Variants in SH3BP2 observed in about 807,000 individuals in gnomAD.
SH3BP2 encodes the protein SH3 domain binding protein 2, also known as SH3 domain-binding protein 2.
Under a neutral mutation model 56.2 loss-of-function variants are expected in SH3BP2, and 38 were observed. That is an observed-to-expected ratio of 0.68 (90% CI 0.52 to 0.89). SH3BP2 has a LOEUF of 0.89. Among genes scored for constraint, SH3BP2 ranks in the 40% least tolerant of loss-of-function variants. The pLI, the probability that SH3BP2 is intolerant of heterozygous loss-of-function variation, is 0.00. For synonymous variants in SH3BP2, 346 were observed against 316.7 expected (o/e 1.09, Z -0.98); for missense variants, 748 against 762.6 (o/e 0.98, Z 0.23).
chr4:2,824,517 G>C (rs992446047), intron 3 of SH3BP2, 96 bp from the exon 4 acceptor site: 1 of 900,670 alleles, frequency 1.1e-6, no homozygotes, highest in Admixed American at 1.7e-5. Flanking sequence ...GTTGGGGCGT[G>C]GTGCTGGTGC....
rs757336022 is a variant in SH3BP2 at position 2,831,581 on chromosome 4, C to A, written c.1252C>A (p.Pro418Thr). 1 of 1,587,478 alleles carries A rather than the reference C, an allele frequency of 6.3e-7. No homozygotes were observed. ...PQLPHLQRSP[P>T]DGQSFRSFSF... ...TCCCTGCCCCTCCAGGCGATCACCC[C>A]CCGATGGGCAGAGTTTCAGGAGCTT... Residue 418 changes from proline (P) to threonine (T), a missense_variant, in exon 9 of 13, where the codon CCC becomes ACC. Physicochemically the swap from Pro to Thr is conservative, Grantham distance 38. Around this residue, in one of 3 missense-constraint regions of SH3BP2, gnomAD observed 635 missense variants for 615.0 expected, o/e 1.03. Coordinates refer to ENST00000503393, the MANE Select transcript of SH3BP2 (RefSeq NM_001122681.2). This position sits in a 1 kb window ranked among gnomAD's most constrained non-coding sequence, Gnocchi z 4.1.
chr4:2,833,088 TGGC>T, intron 12 of SH3BP2, 39 bp downstream of exon 12: 1 of 1,593,698 alleles, frequency 6.3e-7, no homozygotes. Context: ...CCTGGCCGCA[TGGC>T]CTGGCAAGGG....
At chr4:2,832,276 C>A in intron 10 of SH3BP2, 55 bp from the exon 11 acceptor site, 1 of 1,430,752 alleles carries the variant, frequency 7.0e-7, no homozygotes, top group Non-Finnish European at 9.9e-7. Flanking sequence ...CGGGAAGGTC[C>A]GTGTGAAAGC....
intron 2 of SH3BP2, among the ~76,000 whole-genome samples, chr4:2,821,786 C>CCAT (rs1168834558): frequency 6.6e-6 from 1 of 152,228 alleles, no homozygotes; most frequent in Non-Finnish European, 1.5e-5. Flanking sequence ...CTCAAGCGAT[C>CCAT]CATCCGCCTT....
intron 1 of SH3BP2, among the ~76,000 whole-genome samples, chr4:2,805,418 G>T (rs1027892679): frequency 8.5e-5 from 13 of 152,194 alleles, no homozygotes; most frequent in African/African-American, 2.7e-4. Context: ...GAAGTGGGGT[G>T]CCTGGGGCTG....
In SH3BP2 at chr4:2,829,713, G is replaced by A; in HGVS notation, c.807G>A (p.Arg269=). The change falls in exon 8 of 13, where the codon AGG becomes AGA. Residue 269 remains arginine, a synonymous_variant. Transcript: ENST00000503393. The surrounding 1 kb of genome is among the most constrained non-coding windows in gnomAD (Gnocchi z 4.9). ...LCPRRAEPCP[R]VPATPRRMSD... ...CGAGGCGGGCTGAGCCTTGCCCCAG[G>A]GTACCTGCTACCCCCCGAAGGATGA... is the stretch of plus-strand genomic sequence containing the variant. 3 of 1,612,892 alleles carry A rather than the reference G, an allele frequency of 1.9e-6. No individual in the cohort carries two copies. The highest frequency in any genetic ancestry group is 1.7e-6 in the Non-Finnish European group (2 of 1,179,812).
Position 2,831,688 on chromosome 4 carries a change from G to T in SH3BP2, c.1350+9G>T. On this transcript the variant is annotated intron_variant, in intron 9 of 12. Transcript: ENST00000503393. The surrounding 1 kb of genome is among the most constrained non-coding windows in gnomAD (Gnocchi z 4.1). ...ACGAGGACTATGAGAAGGCAAGGCT[G>T]AGCGGCAAGCCTGGGTCCCAGTGGC... The T allele has an allele frequency of 6.3e-7, 1 of 1,580,354 alleles. No homozygotes were observed.
intron 5 of SH3BP2, among the ~76,000 whole-genome samples, chr4:2,826,015 C>T (rs1345485716): frequency 1.3e-5 from 2 of 152,270 alleles, no homozygotes; most frequent in African/African-American, 4.8e-5. Flanking sequence ...CAAGGCTGCC[C>T]TGCAGGTCCC....
chr4:2,824,995 G>T, intron 4 of SH3BP2, 131 bp from the exon 5 acceptor site: 1 of 853,980 alleles, frequency 1.2e-6, no homozygotes, highest in Non-Finnish European at 1.9e-6. Flanking sequence ...ACACAGCCAT[G>T]TTGTATCCAG....
rs780878297 is a variant in SH3BP2, at chr4:2,823,047, C to T, written c.239+10C>T. 38 of 1,600,838 alleles carry T rather than the reference C, an allele frequency of 2.4e-5. No individual in the cohort carries two copies. Among genetic ancestry groups the T allele is most frequent in the Non-Finnish European group, 2.9e-5 (34 of 1,168,920 alleles). On this transcript the variant is annotated intron_variant, in intron 3 of 12. Transcript: ENST00000503393. ...TGAGTGGCTATAACCGGTAAGTGCCCGACCTGCCTGCTGACCTCGGGCCCC... is the reference window on the plus strand; with the variant it reads ...TGAGTGGCTATAACCGGTAAGTGCCTGACCTGCCTGCTGACCTCGGGCCCC...
chr4:2,832,985 T>C lies in SH3BP2; in HGVS notation c.1489-5T>C, dbSNP rs765618391. 2.5e-5 allele frequency: 41 copies of C among 1,614,060 alleles called. No homozygotes were observed. The highest frequency in any genetic ancestry group is 1.8e-4 in the Admixed American group (11 of 60,010). ...AGCCGTCAGCCTCCCGCTTCCGTCCTGTAGGTCCTGGTTGTGTGGGACGAA... is the reference window on the plus strand; with the variant it reads ...AGCCGTCAGCCTCCCGCTTCCGTCCCGTAGGTCCTGGTTGTGTGGGACGAA... On this transcript the variant is annotated splice_polypyrimidine_tract_variant and splice_region_variant and intron_variant, in intron 11 of 12. Coordinates refer to ENST00000503393, the MANE Select transcript of SH3BP2 (RefSeq NM_001122681.2).
At chr4:2,832,013 G>A (rs1019586585) in intron 10 of SH3BP2, 35 bp downstream of exon 10, 33 of 1,603,974 alleles carry the variant, frequency 2.1e-5, no homozygotes, top group African/African-American at 1.2e-4. Context: ...TGGGTCCTCC[G>A]CCATGCCCGG....
chr4:2,821,764 G>GGAGCTCCT (rs1434544420), intron 2 of SH3BP2, among the ~76,000 whole-genome samples: 2 of 152,152 alleles, frequency 1.3e-5, no homozygotes, highest in East Asian at 3.8e-4. Flanking sequence ...AGGCTGGCCT[G>GGAGCTCCT]GAGCTCCTGA....
At position 2,824,648 on chromosome 4, in the gene SH3BP2, A is replaced by G. The variant is rs1374040690; in HGVS notation, c.275A>G (p.Asn92Ser). 6.2e-7 allele frequency: 1 copy of G among 1,613,806 alleles called. No individual in the cohort carries two copies. The highest frequency in any genetic ancestry group is 8.5e-7 in the Non-Finnish European group (1 of 1,179,956). ...GCGGCTGAGGAGACCACGTCCAACA[A>G]CGTTTTCCCCTTCAAGATCATCCAT... ...MRAAEETTSN[N>S]VFPFKIIHIS... Residue 92 changes from asparagine to serine, a missense_variant, in exon 4 of 13, where the codon AAC becomes AGC. Transcript: ENST00000503393.
At chr4:2,804,108 T>C (rs1723434024) in intron 1 of SH3BP2, among the ~76,000 whole-genome samples, 1 of 152,088 alleles carries the variant, frequency 6.6e-6, no homozygotes, top group South Asian at 2.1e-4. Context: ...CCTTCCACCA[T>C]TCCCTGGCCT....
chr4:2,818,912 G>A, intron 1 of SH3BP2: 1 of 985,038 alleles, frequency 1.0e-6, no homozygotes, highest in East Asian at 1.1e-4. Context: ...GCTAAAAGCA[G>A]AGAGTATTTT....
chr4:2,809,750 G>A (rs1723671816), intron 1 of SH3BP2: 1 of 983,952 alleles, frequency 1.0e-6, no homozygotes, highest in South Asian at 4.7e-5. Flanking sequence ...CCAGAACCCA[G>A]TGAAAGCTCC....
rs2108715932 is a variant in SH3BP2, at chr4:2,813,746, AGT to A, written c.-4-6864_-4-6863del. 2.6e-5 allele frequency among the ~76,000 whole-genome samples: 4 copies of A among 152,256 alleles called. No individual in the cohort carries two copies. The South Asian group carries it at 8.3e-4, about 32-fold the overall frequency. On this transcript the variant is annotated intron_variant, in intron 1 of 12. Coordinates refer to ENST00000503393, the MANE Select transcript of SH3BP2 (RefSeq NM_001122681.2). ...GTATATCAGTATACATATGGGTGTG[AGT>A]GTGCACGTATGAGTAGACATGAGTG...
chr4:2,818,380 G>A, intron 1 of SH3BP2: 1 of 1,180,426 alleles, frequency 8.5e-7, no homozygotes, highest in Non-Finnish European at 1.0e-6. Context: ...CATGCCCGCC[G>A]CGTGGACGCC....
Sources: allele counts gnomAD v4.1 joint callset (sites outside exome capture counted in the v4.1 genomes callset), GRCh38; gene constraint gnomAD v4.1.1; regional missense constraint gnomAD v4.1.1; non-coding constraint Gnocchi (gnomAD v3.1); transcripts MANE v1.5; gene names NCBI Gene and HGNC (gene_info 2026-07-23, HGNC 2026-07-21).